MAN1A1: variants seen among roughly 807,000 people sequenced by gnomAD.
MAN1A1 encodes mannosidase alpha class 1A member 1.
MAN1A1 carries 29 observed loss-of-function variants against 70.8 expected under a neutral mutation model. The observed-to-expected ratio is 0.41, with a 90% CI of 0.31 to 0.56. The LOEUF (loss-of-function observed/expected upper bound fraction) is 0.56, where lower values mean the gene tolerates loss of function less well. Ranked by LOEUF, MAN1A1 falls within the 20% of genes least tolerant of loss-of-function variation. The pLI is 0.29. For synonymous variants in MAN1A1, 349 were observed against 330.1 expected, an observed-to-expected ratio of 1.06 and a Z score of -0.62; for missense variants, 747 against 841.3, an observed-to-expected ratio of 0.89 and a Z score of 1.39.
intron 6 of MAN1A1, among the ~76,000 whole-genome samples, chr6:119,222,911 T>C (rs1202635544): frequency 5.9e-5 from 9 of 152,150 alleles, no homozygotes; most frequent in Non-Finnish European, 1.3e-4. Flanking sequence ...GGTACTCCCA[T>C]TTTGTTATTC....
chr6:119,305,423 TG>T (rs943953456), intron 3 of MAN1A1, among the ~76,000 whole-genome samples: 2 of 152,198 alleles, frequency 1.3e-5, no homozygotes, highest in Non-Finnish European at 2.9e-5. Context: ...CCTCTGGCTC[TG>T]CATGAGGTTT....
At chr6:119,306,481 T>C (rs375113706) in intron 3 of MAN1A1, among the ~76,000 whole-genome samples, 1 of 152,172 alleles carries the variant, frequency 6.6e-6, no homozygotes, top group African/African-American at 2.4e-5. Flanking sequence ...TGAGATACAG[T>C]GAAGATCACC....
At chr6:119,222,664 G>C (rs1278894054) in intron 6 of MAN1A1, among the ~76,000 whole-genome samples, 1 of 152,098 alleles carries the variant, frequency 6.6e-6, no homozygotes, top group African/African-American at 2.4e-5. Flanking sequence ...AACACAAAAT[G>C]ATCTTGATTT....
intron 4 of MAN1A1, among the ~76,000 whole-genome samples, chr6:119,298,200 T>C (rs1772274326): frequency 6.6e-6 from 1 of 152,180 alleles, no homozygotes; most frequent in African/African-American, 2.4e-5. Flanking sequence ...CTTAGGGTTT[T>C]CTGCTAATAT....
At chr6:119,334,588 AT>A (rs1773404940) in intron 2 of MAN1A1, among the ~76,000 whole-genome samples, 1 of 152,230 alleles carries the variant, frequency 6.6e-6, no homozygotes, top group Non-Finnish European at 1.5e-5. Context: ...CATAAACTAC[AT>A]TTAAGGAGCA....
intron 8 of MAN1A1, among the ~76,000 whole-genome samples, chr6:119,194,579 C>T (rs895117512): frequency 2.0e-5 from 3 of 152,040 alleles, no homozygotes; most frequent in Non-Finnish European, 4.4e-5. Flanking sequence ...CCACCTGGGC[C>T]TCTCACAGAA....
intron 6 of MAN1A1, among the ~76,000 whole-genome samples, chr6:119,227,598 T>C (rs1252501537): frequency 2.0e-5 from 3 of 152,166 alleles, no homozygotes; most frequent in East Asian, 1.9e-4. Context: ...GCCTCTCCAG[T>C]AGCTGAGACC....
At chr6:119,229,266 G>C (rs1388518034) in intron 6 of MAN1A1, among the ~76,000 whole-genome samples, 4 of 151,488 alleles carry the variant, frequency 2.6e-5, no homozygotes, top group African/African-American at 9.7e-5. Flanking sequence ...AATTGTTTTG[G>C]ATAAAAGAGG....
At chr6:119,258,217 T>C (rs1234405484) in intron 5 of MAN1A1, among the ~76,000 whole-genome samples, 1 of 152,180 alleles carries the variant, frequency 6.6e-6, no homozygotes, top group African/African-American at 2.4e-5. Context: ...CATTAAAATA[T>C]ACAAAATCCA....
chr6:119,229,850 C>A (rs1041545664), intron 6 of MAN1A1, among the ~76,000 whole-genome samples: 3 of 152,180 alleles, frequency 2.0e-5, no homozygotes, highest in Non-Finnish European at 2.9e-5. Flanking sequence ...CAATTGTGAA[C>A]CTGAACCCAT....
intron 5 of MAN1A1, among the ~76,000 whole-genome samples, chr6:119,261,052 C>A (rs947385582): frequency 3.6e-5 from 5 of 138,850 alleles, no homozygotes; most frequent in Non-Finnish European, 7.6e-5. Context: ...GATCTCGGCT[C>A]ACTGCAAGCT....
chr6:119,331,695 G>A (rs973818391), intron 2 of MAN1A1, among the ~76,000 whole-genome samples: 11 of 151,630 alleles, frequency 7.3e-5, no homozygotes, highest in African/African-American at 2.7e-4. Flanking sequence ...CAAACAAACT[G>A]AGCATTGGTG....
At chr6:119,279,889 C>T (rs1002983627) in intron 5 of MAN1A1, among the ~76,000 whole-genome samples, 5 of 152,194 alleles carry the variant, frequency 3.3e-5, no homozygotes, top group African/African-American at 9.6e-5. Context: ...TACTGAAGTA[C>T]CCTCCATAAA....
chr6:119,218,762 G>A (rs772403604), intron 6 of MAN1A1, among the ~76,000 whole-genome samples: 10 of 152,156 alleles, frequency 6.6e-5, no homozygotes, highest in Admixed American at 3.3e-4. Context: ...TGCACCCCGC[G>A]CTGGGATGGC....
intron 9 of MAN1A1, 128 bp downstream of exon 9, chr6:119,193,649 G>A (rs1006281602): frequency 1.8e-5 from 10 of 557,400 alleles, no homozygotes; most frequent in South Asian, 8.2e-5. Flanking sequence ...AGCAGATATC[G>A]AACTCTACCT....
chr6:119,184,701 A>C (rs1011864553), intron 11 of MAN1A1, among the ~76,000 whole-genome samples: 2 of 151,874 alleles, frequency 1.3e-5, no homozygotes, highest in Non-Finnish European at 2.9e-5. Context: ...AAAAACCTGA[A>C]ACTACCAAAA....
chr6:119,286,577 G>T (rs1776380705), intron 5 of MAN1A1, among the ~76,000 whole-genome samples: 1 of 152,072 alleles, frequency 6.6e-6, no homozygotes, highest in African/African-American at 2.4e-5. Flanking sequence ...AAAATGAGAG[G>T]TTATCATAGT....
At chr6:119,301,314 A>G (rs977435856) in intron 4 of MAN1A1, among the ~76,000 whole-genome samples, 2 of 152,232 alleles carry the variant, frequency 1.3e-5, no homozygotes, top group Admixed American at 1.3e-4. Context: ...ATTAGAGCTG[A>G]TAAGACGTAG....
intron 5 of MAN1A1, among the ~76,000 whole-genome samples, chr6:119,256,737 C>A (rs974173560): frequency 6.6e-5 from 10 of 152,110 alleles, no homozygotes; most frequent in African/African-American, 2.2e-4. Flanking sequence ...CTTCACTGTT[C>A]CAATTTTCTC....
Sources: gnomAD v4.1 joint callset for allele counts (sites outside exome capture counted in the v4.1 genomes callset) on GRCh38, gnomAD v4.1.1 for gene constraint, MANE v1.5 for transcripts, NCBI Gene and HGNC (gene_info 2026-07-23, HGNC 2026-07-21) for gene names.